TMTC1: variants seen among roughly 807,000 people sequenced by gnomAD.
TMTC1 encodes transmembrane O-mannosyltransferase targeting cadherins 1.
Under a neutral mutation model 104.8 loss-of-function variants are expected in TMTC1, and 73 were observed. The ratio of observed to expected loss-of-function variants is 0.70; its 90% confidence interval spans 0.58 to 0.85. The LOEUF is 0.85. Ranked by LOEUF, TMTC1 falls within the 40% of genes least tolerant of loss-of-function variation. TMTC1 has a pLI of 0.00. For missense variants in TMTC1, 1,035 were observed against 1,096.1 expected (o/e 0.94, Z 0.79); for synonymous variants, 434 against 428.7 (o/e 1.01, Z -0.15).
chr12:29,587,730 C>G (rs1362915918), intron 7 of TMTC1, among the ~76,000 whole-genome samples: 1 of 152,106 alleles, frequency 6.6e-6, no homozygotes, highest in Non-Finnish European at 1.5e-5. Context: ...TAATACAGCC[C>G]CAAGTAAATA....
chr12:29,557,554 G>A (rs1287795144), intron 9 of TMTC1, among the ~76,000 whole-genome samples: 2 of 152,234 alleles, frequency 1.3e-5, no homozygotes, highest in South Asian at 4.1e-4. Flanking sequence ...AGGTTCAAGC[G>A]ATTTTCCTGC....
At chr12:29,566,672 G>A (rs927444556) in intron 9 of TMTC1, among the ~76,000 whole-genome samples, 1 of 152,196 alleles carries the variant, frequency 6.6e-6, no homozygotes, top group African/African-American at 2.4e-5. Context: ...GTGGAGGGAG[G>A]TGGTCAGATT....
At chr12:29,686,770 C>T (rs1941107433) in intron 5 of TMTC1, among the ~76,000 whole-genome samples, 1 of 152,214 alleles carries the variant, frequency 6.6e-6, no homozygotes. Context: ...AGAAGTCAGA[C>T]AATCATCTTT....
chr12:29,551,736 G>A lies in TMTC1; in HGVS notation c.1676+5121C>T, dbSNP rs569975591. Reference sequence around the variant, plus strand: ...TTCTGTTGAGCCATCAGGGACTTCCGCTCTGTTCATCCATAAAAAGTTCAT... The same window carrying A: ...TTCTGTTGAGCCATCAGGGACTTCCACTCTGTTCATCCATAAAAAGTTCAT... On this transcript the variant is annotated intron_variant, in intron 10 of 17. Coordinates refer to ENST00000539277, the MANE Select transcript of TMTC1 (RefSeq NM_001193451.2). Among the ~76,000 whole-genome samples, 41 of 150,288 alleles carry A rather than the reference G, an allele frequency of 2.7e-4. No individual in the cohort carries two copies. The South Asian group carries it at 3.6e-3, about 13-fold the overall frequency.
At chr12:29,515,248 C>A (rs1247015691) in intron 15 of TMTC1, among the ~76,000 whole-genome samples, 6 of 152,252 alleles carry the variant, frequency 3.9e-5, no homozygotes, top group Admixed American at 2.0e-4. Context: ...CTCTCAGGTC[C>A]TAGTGACCAT....
At chr12:29,654,349 C>G (rs1939656673) in intron 5 of TMTC1, among the ~76,000 whole-genome samples, 1 of 152,080 alleles carries the variant, frequency 6.6e-6, no homozygotes. Context: ...AGGAGATGTT[C>G]AACATCATTA....
intron 5 of TMTC1, among the ~76,000 whole-genome samples, chr12:29,691,659 GGA>G (rs1486400612): frequency 1.4e-5 from 2 of 138,868 alleles, no homozygotes; most frequent in African/African-American, 5.4e-5. Flanking sequence ...AAACTTCTCA[GGA>G]TGTTTCATAA....
chr12:29,643,017 ACAAATGGCCAAC>A (rs1938932120), intron 5 of TMTC1, among the ~76,000 whole-genome samples: 1 of 151,552 alleles, frequency 6.6e-6, no homozygotes, highest in Non-Finnish European at 1.5e-5. Flanking sequence ...AAGAAGATAT[ACAAATGGCCAAC>A]AAACGTGAAA....
intron 5 of TMTC1, among the ~76,000 whole-genome samples, chr12:29,640,361 T>G (rs1938780044): frequency 1.3e-5 from 2 of 152,060 alleles, no homozygotes; most frequent in Admixed American, 1.3e-4. Context: ...ATTGTGAATT[T>G]TAGCTCCAGA....
At chr12:29,770,780 G>C (rs923576487) in intron 1 of TMTC1, among the ~76,000 whole-genome samples, 6 of 152,076 alleles carry the variant, frequency 3.9e-5, no homozygotes, top group Non-Finnish European at 8.8e-5. Context: ...TTACAGACAA[G>C]TAAGCTTGAG....
Position 29,654,458 on chromosome 12 carries a change from T to C in TMTC1, c.939-21122A>G, listed in dbSNP as rs112646671. On this transcript the variant is annotated intron_variant, in intron 5 of 17. Coordinates refer to ENST00000539277, the MANE Select transcript of TMTC1 (RefSeq NM_001193451.2). ...AAACACACTGTCAAAAAGACAAATG[T>C]TGGTGAAAATAGAGAGAATGTGGAA... Among the ~76,000 whole-genome samples the C allele has an allele frequency of 6.7e-3, 1,013 of 152,276 alleles. 13 individuals are homozygous for C. The highest frequency in any genetic ancestry group is 0.024 in the African/African-American group (979 of 41,552).
intron 5 of TMTC1, among the ~76,000 whole-genome samples, chr12:29,683,807 C>T (rs1042725852): frequency 6.6e-6 from 1 of 151,902 alleles, no homozygotes; most frequent in Non-Finnish European, 1.5e-5. Flanking sequence ...CAAGCTTATA[C>T]CTAAACTAAA....
Position 29,783,331 on chromosome 12 carries a change from G to T in TMTC1, c.302+119C>A. 1.1e-6 allele frequency: 1 copy of T among 886,988 alleles called. No individual in the cohort carries two copies. Among genetic ancestry groups the T allele is most frequent in the Non-Finnish European group, 1.5e-6 (1 of 668,422 alleles). 54.9% of individuals were successfully genotyped at this position (886,988 alleles called of 1,614,324 possible). Reference sequence around the variant, plus strand: ...CACATCCTGGAGAGGAGGGAGGCGTGGAGGGAAAGGGCGGCAAAAATGAAA... The same window carrying T: ...CACATCCTGGAGAGGAGGGAGGCGTTGAGGGAAAGGGCGGCAAAAATGAAA... On this transcript the variant is annotated intron_variant, in intron 1 of 17. Transcript: ENST00000539277. This position sits in a 1 kb window ranked among gnomAD's most constrained non-coding sequence, Gnocchi z 4.7.
chr12:29,626,412 C>T (rs1937996434), intron 6 of TMTC1, among the ~76,000 whole-genome samples: 1 of 152,142 alleles, frequency 6.6e-6, no homozygotes, highest in South Asian at 2.1e-4. Flanking sequence ...GAAATTTGAG[C>T]TCAAGTTTAT....
At chr12:29,652,573 T>C (rs116143612) in intron 5 of TMTC1, among the ~76,000 whole-genome samples, 1,765 of 152,340 alleles carry the variant, frequency 0.012, 38 homozygotes, top group African/African-American at 0.04. Flanking sequence ...AGCAGGCCTA[T>C]GACAGCAGAG....
chr12:29,526,216 CT>C (rs1944339742), intron 11 of TMTC1, among the ~76,000 whole-genome samples: 1 of 152,134 alleles, frequency 6.6e-6, no homozygotes, highest in African/African-American at 2.4e-5. Context: ...CAGTTTATCC[CT>C]CCTATGATGA....
intron 10 of TMTC1, among the ~76,000 whole-genome samples, chr12:29,547,355 A>G (rs1944969291): frequency 6.6e-6 from 1 of 152,224 alleles, no homozygotes; most frequent in Non-Finnish European, 1.5e-5. Flanking sequence ...ATTTAAAACA[A>G]CGCAACCTCA....
At chr12:29,646,055 G>A (rs564884566) in intron 5 of TMTC1, among the ~76,000 whole-genome samples, 2 of 152,090 alleles carry the variant, frequency 1.3e-5, no homozygotes, top group Non-Finnish European at 2.9e-5. Flanking sequence ...CTTGTCCATG[G>A]CATCATATGG....
chr12:29,550,357 T>A (rs1945061137), intron 10 of TMTC1, among the ~76,000 whole-genome samples: 2 of 151,644 alleles, frequency 1.3e-5, no homozygotes, highest in Non-Finnish European at 2.9e-5. Flanking sequence ...AGAAGAGAGG[T>A]TCTAACAGTG....
Sources: allele counts gnomAD v4.1 joint callset (sites outside exome capture counted in the v4.1 genomes callset), GRCh38; gene constraint gnomAD v4.1.1; non-coding constraint Gnocchi (gnomAD v3.1); transcripts MANE v1.5; gene names NCBI Gene and HGNC (gene_info 2026-07-23, HGNC 2026-07-21).